Variants in SLC27A1 observed in about 807,000 individuals in gnomAD.
SLC27A1 encodes the protein solute carrier family 27 member 1.
In SLC27A1, 61 loss-of-function variants were observed where a neutral mutation model predicts 62.2. The observed-to-expected ratio is 0.98, with a 90% CI of 0.80 to 1.21. The LOEUF is 1.21. SLC27A1 is among the 50% of genes most tolerant of loss of function. The pLI is 0.00. For synonymous variants in SLC27A1, 435 were observed against 408.6 expected (o/e 1.06, Z -0.78); for missense variants, 903 against 932.1 (o/e 0.97, Z 0.41).
In SLC27A1 at chr19:17,497,242, C is replaced by T. The variant is rs2075358946; in HGVS notation, c.997-13C>T. The T allele has an allele frequency of 6.3e-7, 1 of 1,581,102 alleles. No individual in the cohort carries two copies. Among genetic ancestry groups the T allele is most frequent in the Admixed American group, 2.0e-5 (1 of 50,278 alleles). On this transcript the variant is annotated splice_polypyrimidine_tract_variant and intron_variant, in intron 6 of 11. Transcript: ENST00000252595. ...GCCGGTCCCATCACCCACTTCCTCA[C>T]CCCGTCCCCCAGGTGGTTCAGTACA...
At chr19:17,470,421 G>T (rs1165730214), upstream of SLC27A1, 3 of 1,214,490 alleles carry the variant, frequency 2.5e-6, no homozygotes, top group Non-Finnish European at 3.2e-6. Flanking sequence ...CTCGCGGGGG[G>T]CGCAGAGCCG....
chr19:17,478,091 C>A (rs769018491), intron 1 of SLC27A1, among the ~76,000 whole-genome samples: 1 of 152,134 alleles, frequency 6.6e-6, no homozygotes, highest in East Asian at 1.9e-4. Flanking sequence ...CACATATTTT[C>A]TCCATGAGGC....
intron 11 of SLC27A1, 66 bp from the exon 12 acceptor site, chr19:17,504,389 A>G (rs2075452163): frequency 6.3e-7 from 1 of 1,584,900 alleles, no homozygotes; most frequent in Non-Finnish European, 8.6e-7. Flanking sequence ...GCAGGAGAGG[A>G]TATTGAGTTG....
In SLC27A1 at chr19:17,470,686, A is replaced by C; in HGVS notation, c.146A>C (p.Lys49Thr). The C allele has an allele frequency of 1.9e-6, 3 of 1,582,560 alleles. No homozygotes were observed. The highest frequency in any genetic ancestry group is 2.6e-6 in the Non-Finnish European group (3 of 1,170,744). ...GGWRFLRIVC[K>T]TARRDLFGLS... The stretch of plus-strand genomic sequence containing the variant: ...TGGCGCTTCCTGCGCATCGTCTGCA[A>C]GACCGCGAGGCGAGACCTCTTGTGA... Residue 49 changes from lysine (K) to threonine (T), a missense_variant, in exon 1 of 12, where the codon AAG becomes ACG. Lys to Thr is a moderately conservative substitution (Grantham distance 78, BLOSUM62 -1). Transcript: ENST00000252595.
At position 17,480,138 on chromosome 19, in the gene SLC27A1, C is replaced by G. The variant is rs567972099; in HGVS notation, c.168-6425C>G. Reference sequence around the variant, plus strand: ...CACCTCCCAGGTTCCAGTGATTCTCCTGCCACAGCCTCCCAAGTAGCTGGG... The same window carrying G: ...CACCTCCCAGGTTCCAGTGATTCTCGTGCCACAGCCTCCCAAGTAGCTGGG... On this transcript the variant is annotated intron_variant, in intron 1 of 11. Transcript: ENST00000252595. Among the ~76,000 whole-genome samples the G allele has an allele frequency of 2.8e-3, 426 of 152,178 alleles. 2 individuals carry two copies. Among genetic ancestry groups the G allele is most frequent in the African/African-American group, 9.7e-3 (404 of 41,530 alleles).
At position 17,486,725 on chromosome 19, in the gene SLC27A1, C is replaced by T. The variant is rs2075234601; in HGVS notation, c.330C>T (p.Asp110=). The T allele has an allele frequency of 1.2e-6, 2 of 1,612,100 alleles. No individual in the cohort carries two copies. Among genetic ancestry groups the T allele is most frequent in the Non-Finnish European group, 1.7e-6 (2 of 1,179,422 alleles). ...TGECWTFAQL[D]AYSNAVANLF... ...AGTGCTGGACCTTTGCGCAGCTGGACGCCTACTCCAATGCGGTAGCCAACC... is the reference window on the plus strand; with the variant it reads ...AGTGCTGGACCTTTGCGCAGCTGGATGCCTACTCCAATGCGGTAGCCAACC... The change falls in exon 2 of 12, where the codon GAC becomes GAT. Residue 110 remains aspartate, a synonymous_variant. Coordinates refer to ENST00000252595, the MANE Select transcript of SLC27A1 (RefSeq NM_198580.3). The surrounding 1 kb of genome is among the most constrained non-coding windows in gnomAD (Gnocchi z 6.6).
intron 1 of SLC27A1, among the ~76,000 whole-genome samples, chr19:17,483,642 C>T (rs760324900): frequency 2.0e-5 from 3 of 152,068 alleles, no homozygotes; most frequent in Admixed American, 1.3e-4. Context: ...GACCCCGGCA[C>T]CCTCCTATCT....
rs1382513973 is a variant in SLC27A1 at position 17,505,897 on chromosome 19, C to G, written c.*1285C>G. 6.6e-6 allele frequency: 1 copy of G among 152,458 alleles called. No homozygotes were observed. Among genetic ancestry groups the G allele is most frequent in the South Asian group, 2.1e-4 (1 of 4,840 alleles). 9.4% of individuals were successfully genotyped at this position (152,458 alleles called of 1,614,324 possible). ...CCGATGTCCCCACTGATGGCTCTGA[C>G]ACCGTGTTGGTGGCGATGTCCCAGA... On this transcript the variant is annotated 3_prime_UTR_variant, in exon 12 of 12. Coordinates refer to ENST00000252595, the MANE Select transcript of SLC27A1 (RefSeq NM_198580.3).
chr19:17,488,470 C>G (rs531856070), intron 4 of SLC27A1, among the ~76,000 whole-genome samples: 2 of 152,318 alleles, frequency 1.3e-5, no homozygotes, highest in South Asian at 4.1e-4. Flanking sequence ...CCTCAGCCCC[C>G]CAAACTCTTC....
chr19:17,475,779 C>T (rs555561454), intron 1 of SLC27A1, among the ~76,000 whole-genome samples: 20 of 152,292 alleles, frequency 1.3e-4, no homozygotes, highest in South Asian at 2.1e-4. Context: ...GAAATCTGAT[C>T]GTATTCATCC....
At chr19:17,497,213 G>A in intron 6 of SLC27A1, 42 bp from the exon 7 acceptor site, 3 of 1,536,914 alleles carry the variant, frequency 2.0e-6, no homozygotes, top group Non-Finnish European at 2.6e-6. Flanking sequence ...GCTCCCCACC[G>A]CCTGCCGGTC....
intron 6 of SLC27A1, among the ~76,000 whole-genome samples, chr19:17,491,638 G>T (rs1390843977): frequency 6.6e-6 from 1 of 152,134 alleles, no homozygotes; most frequent in Non-Finnish European, 1.5e-5. Context: ...TTGGGAAGCC[G>T]AGGCGGGAGG....
upstream of SLC27A1, chr19:17,470,494 G>A (rs551793588): frequency 4.1e-6 from 6 of 1,474,676 alleles, no homozygotes; most frequent in East Asian, 2.8e-5. Context: ...GGGTCGTGGG[G>A]CGGGGCTGGA....
chr19:17,500,446 C>T, intron 8 of SLC27A1, 42 bp downstream of exon 8: 1 of 1,612,304 alleles, frequency 6.2e-7, no homozygotes, highest in African/African-American at 1.3e-5. Context: ...GAGCAGGGGT[C>T]CCCACGCCCT....
chr19:17,476,313 A>T (rs1161759949), intron 1 of SLC27A1, among the ~76,000 whole-genome samples: 2 of 152,092 alleles, frequency 1.3e-5, no homozygotes, highest in Non-Finnish European at 2.9e-5. Flanking sequence ...AGGCGGGCTG[A>T]TCACCTGAGG....
At chr19:17,504,367 A>C in intron 11 of SLC27A1, 88 bp from the exon 12 acceptor site, 2 of 1,472,326 alleles carry the variant, frequency 1.4e-6, no homozygotes, top group South Asian at 2.3e-5. Context: ...GCCTGTGGGA[A>C]GGTCCAGAGG....
At chr19:17,502,335 GTTTT>G (rs1175394305) in intron 11 of SLC27A1, among the ~76,000 whole-genome samples, 21 of 75,898 alleles carry the variant, frequency 2.8e-4, no homozygotes, top group Non-Finnish European at 4.0e-4. Flanking sequence ...CTGAAATAGT[GTTTT>G]TTTTGTTTTT....
chr19:17,503,825 G>C (rs2075443607), intron 11 of SLC27A1, among the ~76,000 whole-genome samples: 1 of 149,552 alleles, frequency 6.7e-6, no homozygotes, highest in Admixed American at 6.8e-5. Context: ...CCAGCTACTT[G>C]GGAGGCTGAG....
At chr19:17,472,268 G>T (rs969163257) in intron 1 of SLC27A1, among the ~76,000 whole-genome samples, 2 of 151,870 alleles carry the variant, frequency 1.3e-5, no homozygotes, top group Non-Finnish European at 2.9e-5. Context: ...GGTGGTGGAC[G>T]CCTGTAGTCC....
Sources: allele counts gnomAD v4.1 joint callset (sites outside exome capture counted in the v4.1 genomes callset), GRCh38; gene constraint gnomAD v4.1.1; non-coding constraint Gnocchi (gnomAD v3.1); transcripts MANE v1.5; gene names NCBI Gene and HGNC (gene_info 2026-07-23, HGNC 2026-07-21).